DSCAML1: variants seen among roughly 807,000 people sequenced by gnomAD.
DSCAML1 encodes the protein DS cell adhesion molecule like 1.
DSCAML1 carries 38 observed loss-of-function variants against 200.5 expected under a neutral mutation model. The observed-to-expected ratio is 0.19, with a 90% CI of 0.15 to 0.25. The LOEUF is 0.25. Among genes scored for constraint, DSCAML1 ranks in the 10% least tolerant of loss-of-function variants. The probability of loss-of-function intolerance (pLI) is 1.00; values close to 1 mark genes in which losing one functional copy is unlikely to be tolerated. For missense variants in DSCAML1, 2,223 were observed against 2,858.8 expected (o/e 0.78, Z 5.07); for synonymous variants, 1,215 against 1,165.0 (o/e 1.04, Z -0.87).
At chr11:117,718,634 C>A (rs2137788748) in intron 3 of DSCAML1, among the ~76,000 whole-genome samples, 1 of 134,442 alleles carries the variant, frequency 7.4e-6, no homozygotes. Flanking sequence ...GTTTTTCTTT[C>A]TAAAAATACA....
At position 117,433,113 on chromosome 11, in the gene DSCAML1, G is replaced by A. The variant is rs200743437; in HGVS notation, c.5026+25C>T. On this transcript the variant is annotated intron_variant, in intron 29 of 32. Transcript: ENST00000651296. ...TGGGGAAGCACACCCAGCAGGACAGGGAACTTGTGGCACCTGTCACTCACC... is the reference window on the plus strand; with the variant it reads ...TGGGGAAGCACACCCAGCAGGACAGAGAACTTGTGGCACCTGTCACTCACC... 68 of 1,599,758 alleles carry A rather than the reference G, an allele frequency of 4.3e-5. No individual in the cohort carries two copies. The Middle Eastern group carries it at 6.6e-4, about 16-fold the overall frequency.
intron 3 of DSCAML1, among the ~76,000 whole-genome samples, chr11:117,592,958 C>T (rs1156230082): frequency 6.6e-6 from 1 of 152,242 alleles, no homozygotes; most frequent in Non-Finnish European, 1.5e-5. Flanking sequence ...GTCACCTCCC[C>T]CAGGCTCAGT....
chr11:117,632,931 T>G (rs1299508822), intron 3 of DSCAML1, among the ~76,000 whole-genome samples: 1 of 152,192 alleles, frequency 6.6e-6, no homozygotes, highest in Admixed American at 6.5e-5. Flanking sequence ...ACCTTAAGCC[T>G]AAGTTTACAC....
In DSCAML1 at chr11:117,431,603, C is replaced by T. The variant is rs773446818; in HGVS notation, c.5305G>A (p.Val1769Met). 42 of 1,612,350 alleles carry T rather than the reference C, an allele frequency of 2.6e-5. 1 individual carries two copies. The highest frequency in any genetic ancestry group is 2.3e-4 in the South Asian group (21 of 90,794). Reference sequence around the variant, plus strand: ...ACCGTGACACCATGCTGGGAGCCCACGGTGCGCCAGTCGGAGGTGAGGGTG... The same window carrying T: ...ACCGTGACACCATGCTGGGAGCCCATGGTGCGCCAGTCGGAGGTGAGGGTG... The part of the protein sequence containing the change: ...ARTLTSDWRT[V>M]GSQHGVTVTE... The change falls in exon 31 of 33, where the codon GTG becomes ATG. Residue 1769 changes from valine to methionine, a missense_variant. Physicochemically the swap from Val to Met is conservative, Grantham distance 21 (BLOSUM62 1). This residue lies in a region of DSCAML1 where 614 missense variants were observed against 739.1 expected (regional missense o/e 0.83). Transcript: ENST00000651296.
intron 3 of DSCAML1, among the ~76,000 whole-genome samples, chr11:117,579,648 T>A (rs1334767539): frequency 6.6e-6 from 1 of 152,232 alleles, no homozygotes; most frequent in Non-Finnish European, 1.5e-5. Flanking sequence ...ATTTTCTAGT[T>A]CGTGACGATA....
At chr11:117,592,909 A>G (rs1254457201) in intron 3 of DSCAML1, among the ~76,000 whole-genome samples, 1 of 152,264 alleles carries the variant, frequency 6.6e-6, no homozygotes, top group African/African-American at 2.4e-5. Flanking sequence ...GACCTCAGGC[A>G]GCACGGGGTG....
At chr11:117,436,562 C>G (rs535678958) in intron 26 of DSCAML1, among the ~76,000 whole-genome samples, 64 of 151,910 alleles carry the variant, frequency 4.2e-4, no homozygotes, top group Non-Finnish European at 7.9e-4. Context: ...GTGTATGTAT[C>G]CCCATGTGGC....
chr11:117,487,432 A>C (rs181119247), intron 11 of DSCAML1, among the ~76,000 whole-genome samples: 145 of 152,218 alleles, frequency 9.5e-4, no homozygotes, highest in Non-Finnish European at 1.6e-3. Context: ...CCTTTGGCAA[A>C]TGGAGAAACT....
chr11:117,803,915 G>A (rs2055684811), intron 1 of DSCAML1, among the ~76,000 whole-genome samples: 1 of 152,254 alleles, frequency 6.6e-6, no homozygotes, highest in African/African-American at 2.4e-5. Flanking sequence ...GCCAGTCCAT[G>A]CGCTGGAGGA....
At chr11:117,631,207 A>T (rs575805973) in intron 3 of DSCAML1, among the ~76,000 whole-genome samples, 1 of 152,180 alleles carries the variant, frequency 6.6e-6, no homozygotes, top group African/African-American at 2.4e-5. Context: ...GGGAGCCCCA[A>T]ATCTGAGCTA....
intron 3 of DSCAML1, among the ~76,000 whole-genome samples, chr11:117,748,701 C>T (rs1215365348): frequency 6.6e-6 from 1 of 152,222 alleles, no homozygotes; most frequent in Non-Finnish European, 1.5e-5. Context: ...GTTGCCCAGC[C>T]CAGCTAATGT....
chr11:117,573,980 C>T (rs1410500500), intron 3 of DSCAML1, among the ~76,000 whole-genome samples: 2 of 152,214 alleles, frequency 1.3e-5, no homozygotes, highest in Non-Finnish European at 2.9e-5. Context: ...CTGCTTCCCC[C>T]TGAGCTCCCT....
At chr11:117,724,181 A>G (rs778123736) in intron 3 of DSCAML1, among the ~76,000 whole-genome samples, 6 of 152,100 alleles carry the variant, frequency 3.9e-5, no homozygotes, top group Non-Finnish European at 5.9e-5. Context: ...ATAGAGAGCA[A>G]TAAGCTGACC....
At chr11:117,464,747 T>C (rs2048545955) in intron 17 of DSCAML1, among the ~76,000 whole-genome samples, 195 bp downstream of exon 17, 1 of 152,148 alleles carries the variant, frequency 6.6e-6, no homozygotes, top group African/African-American at 2.4e-5. Flanking sequence ...AGAGGCCCGA[T>C]ATGCTGAATG....
At chr11:117,768,110 A>G (rs1052670837) in intron 3 of DSCAML1, among the ~76,000 whole-genome samples, 1 of 152,142 alleles carries the variant, frequency 6.6e-6, no homozygotes, top group Non-Finnish European at 1.5e-5. Flanking sequence ...TTTGAGAGAC[A>G]ATAGTTATTA....
chr11:117,468,139 T>A (rs1192122911), intron 16 of DSCAML1, among the ~76,000 whole-genome samples: 2 of 152,184 alleles, frequency 1.3e-5, no homozygotes, highest in Non-Finnish European at 2.9e-5. Context: ...ACAGTCAGGA[T>A]TTAAATCAAT....
intron 3 of DSCAML1, among the ~76,000 whole-genome samples, chr11:117,656,345 G>T (rs984152782): frequency 6.6e-6 from 1 of 152,198 alleles, no homozygotes; most frequent in Non-Finnish European, 1.5e-5. Context: ...ACTAGGAACT[G>T]AGCTCCTCTG....
intron 3 of DSCAML1, among the ~76,000 whole-genome samples, chr11:117,604,082 G>A (rs1008030297): frequency 6.6e-6 from 1 of 152,154 alleles, no homozygotes; most frequent in African/African-American, 2.4e-5. Flanking sequence ...TTTCTCCCAG[G>A]CAGATTGCCT....
chr11:117,532,574 C>T (rs1241355678), intron 3 of DSCAML1, 52 bp from the exon 4 acceptor site: 1 of 1,572,932 alleles, frequency 6.4e-7, no homozygotes, highest in South Asian at 1.2e-5. Flanking sequence ...CGTACAGCCT[C>T]AGAGGCAGGG....
Sources: gnomAD v4.1 joint callset for allele counts (sites outside exome capture counted in the v4.1 genomes callset) on GRCh38, gnomAD v4.1.1 for gene constraint, gnomAD v4.1.1 regional missense constraint, MANE v1.5 for transcripts, NCBI Gene and HGNC (gene_info 2026-07-23, HGNC 2026-07-21) for gene names.